Variants in CCDC60 observed in about 807,000 individuals in gnomAD.
CCDC60 encodes the protein coiled-coil domain containing 60.
CCDC60 carries 54 observed loss-of-function variants against 63.5 expected under a neutral mutation model. The observed-to-expected ratio is 0.85, with a 90% CI of 0.68 to 1.07. The LOEUF (loss-of-function observed/expected upper bound fraction) is 1.07, where lower values mean the gene tolerates loss of function less well. Among genes scored for constraint, CCDC60 ranks in the 50% least tolerant of loss-of-function variants. CCDC60 has a pLI of 0.00. For synonymous variants in CCDC60, 206 were observed against 238.8 expected (o/e 0.86, Z 1.27); for missense variants, 651 against 684.3 (o/e 0.95, Z 0.54).
chr12:119,374,575 T>TCTTGGACC (rs1955932177), intron 1 of CCDC60, among the ~76,000 whole-genome samples: 1 of 152,150 alleles, frequency 6.6e-6, no homozygotes, highest in African/African-American at 2.4e-5. Context: ...AAGAGAGGAT[T>TCTTGGACC]CTTGGACCGC....
chr12:119,515,053 T>A (rs1201494426), intron 7 of CCDC60, among the ~76,000 whole-genome samples: 1 of 152,198 alleles, frequency 6.6e-6, no homozygotes, highest in Non-Finnish European at 1.5e-5. Context: ...CCCAGGTGTA[T>A]AGTAAGCTAT....
chr12:119,397,681 G>A (rs1956283523), intron 1 of CCDC60, among the ~76,000 whole-genome samples: 1 of 139,902 alleles, frequency 7.1e-6, no homozygotes, highest in South Asian at 2.5e-4. Context: ...TGGGGCAGGG[G>A]TGGAGTTGCC....
chr12:119,367,416 T>A (rs1592995371), intron 1 of CCDC60, among the ~76,000 whole-genome samples: 1 of 152,186 alleles, frequency 6.6e-6, no homozygotes, highest in African/African-American at 2.4e-5. Context: ...ACATGATAAT[T>A]CCACCGCCTA....
intron 2 of CCDC60, among the ~76,000 whole-genome samples, chr12:119,434,851 C>T (rs574474724): frequency 7.9e-5 from 12 of 152,294 alleles, no homozygotes; most frequent in South Asian, 2.1e-4. Flanking sequence ...TCAGCCCACA[C>T]GCTGCCTTGT....
At chr12:119,388,990 A>C (rs1956107363) in intron 1 of CCDC60, among the ~76,000 whole-genome samples, 2 of 152,206 alleles carry the variant, frequency 1.3e-5, no homozygotes, top group African/African-American at 4.8e-5. Flanking sequence ...ATCTCATACC[A>C]TCATTTGCCC....
At chr12:119,523,208 G>A (rs1000242160) in intron 10 of CCDC60, among the ~76,000 whole-genome samples, 1 of 152,180 alleles carries the variant, frequency 6.6e-6, no homozygotes, top group Non-Finnish European at 1.5e-5. Flanking sequence ...AAACTCCTCC[G>A]CTGTGCCAGG....
Position 119,428,760 on chromosome 12 carries a change from C to G in CCDC60, c.168C>G (p.Ser56Arg). The G allele has an allele frequency of 6.3e-7, 1 of 1,585,758 alleles. No homozygotes were observed. The highest frequency in any genetic ancestry group is 8.6e-7 in the Non-Finnish European group (1 of 1,159,636). ...IINLKKDLIR[S>R]RFLIQSVKIG... is the part of the protein sequence containing the mutation. ...ACCTCAAAAAGGACCTTATACGAAG[C>G]CGGTGAGTGAGCCCAGCAGGGAATG... The change falls in exon 2 of 14, where the codon AGC becomes AGG. Residue 56 changes from serine (S) to arginine (R), a missense_variant and splice_region_variant. Ser to Arg is a moderately radical substitution (Grantham distance 110). Coordinates refer to ENST00000327554, the MANE Select transcript of CCDC60 (RefSeq NM_178499.5).
At position 119,504,897 on chromosome 12, in the gene CCDC60, A is replaced by G. The variant is rs113351859; in HGVS notation, c.649-172A>G. ...GATTTGTGACAAAAGGTCACTCCAG[A>G]TCCAGAATATATCTCATGGTGTTTG... On this transcript the variant is annotated intron_variant, in intron 6 of 13. Coordinates refer to ENST00000327554, the MANE Select transcript of CCDC60 (RefSeq NM_178499.5). Among the ~76,000 whole-genome samples the G allele has an allele frequency of 9.8e-4, 150 of 152,296 alleles. 2 individuals carry two copies. The Middle Eastern group carries it at 0.02, about 21-fold the overall frequency.
At chr12:119,514,432 ACCCAC>A (rs1952299120) in intron 7 of CCDC60, among the ~76,000 whole-genome samples, 1 of 149,348 alleles carries the variant, frequency 6.7e-6, no homozygotes, top group African/African-American at 2.5e-5. Context: ...CAGGTGATCC[ACCCAC>A]CTCAGCCTCC....
At chr12:119,537,468 C>T (rs1240039885) in intron 13 of CCDC60, among the ~76,000 whole-genome samples, 4 of 152,192 alleles carry the variant, frequency 2.6e-5, no homozygotes, top group Admixed American at 6.5e-5. Context: ...CAAGGAGTTG[C>T]GATCCTTTGG....
At chr12:119,373,916 G>A (rs1933497422) in intron 1 of CCDC60, among the ~76,000 whole-genome samples, 1 of 152,154 alleles carries the variant, frequency 6.6e-6, no homozygotes, top group South Asian at 2.1e-4. Context: ...AAATGAACTT[G>A]AGCCAATTCC....
chr12:119,345,512 A>G (rs908112780), intron 1 of CCDC60, among the ~76,000 whole-genome samples: 2 of 151,808 alleles, frequency 1.3e-5, no homozygotes, highest in African/African-American at 4.8e-5. Context: ...AAAAATAAAT[A>G]AATAAATAAA....
intron 2 of CCDC60, among the ~76,000 whole-genome samples, chr12:119,440,943 C>T (rs73406270): frequency 0.016 from 2,320 of 142,170 alleles, 78 homozygotes; most frequent in African/African-American, 0.057. Flanking sequence ...GGAACAATGT[C>T]TGACACACGG....
intron 1 of CCDC60, among the ~76,000 whole-genome samples, chr12:119,409,870 T>G (rs761712608): frequency 2.0e-5 from 3 of 151,990 alleles, no homozygotes; most frequent in Non-Finnish European, 4.4e-5. Flanking sequence ...ACTCTTTCTC[T>G]CTCTCTGCCC....
At chr12:119,346,240 A>C (rs1257259095) in intron 1 of CCDC60, among the ~76,000 whole-genome samples, 2 of 152,146 alleles carry the variant, frequency 1.3e-5, no homozygotes, top group African/African-American at 4.8e-5. Context: ...ACTTGAAAAA[A>C]AAATGGCTAC....
chr12:119,404,891 C>G (rs1956458301), intron 1 of CCDC60, among the ~76,000 whole-genome samples: 1 of 152,150 alleles, frequency 6.6e-6, no homozygotes, highest in African/African-American at 2.4e-5. Flanking sequence ...AGCTTGTGAT[C>G]TGCAAACAAA....
In CCDC60 at chr12:119,452,031, GA is replaced by G. The variant is rs1950643327; in HGVS notation, c.171-19962del. On this transcript the variant is annotated intron_variant, in intron 2 of 13. Coordinates refer to ENST00000327554, the MANE Select transcript of CCDC60 (RefSeq NM_178499.5). ...CCACAATGCGCCAAAGGGATGAGGA[GA>G]GGGGTGGAAGAATGAGTATAATATG... Among the ~76,000 whole-genome samples, 2 of 152,214 alleles carry G rather than the reference GA, an allele frequency of 1.3e-5. 1 individual carries two copies. Among genetic ancestry groups the G allele is most frequent in the South Asian group, 4.1e-4 (2 of 4,824 alleles).
chr12:119,518,662 T>C (rs1952417316), intron 8 of CCDC60, among the ~76,000 whole-genome samples: 3 of 152,164 alleles, frequency 2.0e-5, no homozygotes. Context: ...TTATTTAACA[T>C]ATTAGCATGT....
intron 13 of CCDC60, among the ~76,000 whole-genome samples, chr12:119,537,370 TGGA>T (rs1315809416): frequency 1.3e-5 from 2 of 152,218 alleles, no homozygotes; most frequent in Admixed American, 6.5e-5. Flanking sequence ...TCCTTTAGCT[TGGA>T]GAAGTTTGTT....
Sources: allele counts gnomAD v4.1 joint callset (sites outside exome capture counted in the v4.1 genomes callset), GRCh38; gene constraint gnomAD v4.1.1; transcripts MANE v1.5; gene names NCBI Gene and HGNC (gene_info 2026-07-23, HGNC 2026-07-21).